The following ADAMTSL2 variants were observed in gnomAD, a reference collection of about 807,000 sequenced individuals.
ADAMTSL2 encodes the protein ADAMTS-like protein 2.
Under a neutral mutation model 117.0 loss-of-function variants are expected in ADAMTSL2, and 55 were observed. The ratio of observed to expected loss-of-function variants is 0.47; its 90% CI spans 0.38 to 0.59. ADAMTSL2 has a LOEUF of 0.59. Ranked by LOEUF, ADAMTSL2 falls within the 20% of genes least tolerant of loss-of-function variation. The pLI is 0.00. For missense variants in ADAMTSL2, 1,182 were observed against 1,354.5 expected (o/e 0.87, Z 2.00); for synonymous variants, 572 against 566.4 (o/e 1.01, Z -0.14).
Position 133,536,770 on chromosome 9 carries a change from G to A in ADAMTSL2, c.58G>A (p.Val20Ile), listed in dbSNP as rs145897018. The A allele has an allele frequency of 1.3e-3, 2,152 of 1,614,220 alleles. 4 individuals are homozygous for A. Among genetic ancestry groups the A allele is most frequent in the Middle Eastern group, 2.8e-3 (17 of 6,060 alleles). ...CTGGTTCCTGCTGGTTCTGGCAGTT[G>A]TAGCTGGGGACACAGTGTCAACCGG... ...WAWFLLVLAV[V>I]AGDTVSTGST... The change falls in exon 2 of 19, where the codon GTA (valine) becomes ATA (isoleucine). Residue 20 changes from valine to isoleucine, a missense_variant. Val to Ile is a conservative substitution (Grantham distance 29, BLOSUM62 3). This residue lies in a region of ADAMTSL2 where 372 missense variants were observed against 463.4 expected (regional missense o/e 0.80). Coordinates refer to ENST00000651351, the MANE Select transcript of ADAMTSL2 (RefSeq NM_014694.4).
chr9:133,533,773 G>A (rs1829987605), upstream of ADAMTSL2, among the ~76,000 whole-genome samples: 1 of 152,210 alleles, frequency 6.6e-6, no homozygotes, highest in Non-Finnish European at 1.5e-5. Flanking sequence ...GCTGCATGGA[G>A]GCAGGGGCAT....
At chr9:133,536,522 C>T in intron 1 of ADAMTSL2, 41 bp from the exon 2 acceptor site, 1 of 1,511,288 alleles carries the variant, frequency 6.6e-7, no homozygotes, top group Non-Finnish European at 8.9e-7. Context: ...CTCCTTCTTG[C>T]TAAGCCTAGA....
Position 133,569,499 on chromosome 9 carries a change from T to C in ADAMTSL2, c.2336T>C (p.Met779Thr). 6.2e-7 allele frequency: 1 copy of C among 1,612,490 alleles called. No homozygotes were observed. The highest frequency in any genetic ancestry group is 1.1e-5 in the South Asian group (1 of 90,654). The change falls in exon 16 of 19, where the codon ATG becomes ACG. Residue 779 changes from methionine (M) to threonine (T), a missense_variant. By Grantham distance (81) the Met-to-Thr change is moderately conservative. Coordinates refer to ENST00000651351, the MANE Select transcript of ADAMTSL2 (RefSeq NM_014694.4). ...GRVVPESQCQ[M>T]ETKPLAIHPC... Reference sequence around the variant, plus strand: ...GTAGTACCTGAGTCCCAGTGCCAGATGGAGACCAAGCCTCTGGCCATCCAC... The same window carrying C: ...GTAGTACCTGAGTCCCAGTGCCAGACGGAGACCAAGCCTCTGGCCATCCAC...
intron 1 of ADAMTSL2, among the ~76,000 whole-genome samples, chr9:133,535,838 GTC>G (rs1830037727): frequency 6.6e-6 from 1 of 152,178 alleles, no homozygotes; most frequent in Non-Finnish European, 1.5e-5. Flanking sequence ...ACAGGGCAGG[GTC>G]GACGCTGAGG....
At position 133,554,753 on chromosome 9, in the gene ADAMTSL2, C is replaced by A; in HGVS notation, c.1276+60C>A. 7.2e-7 allele frequency: 1 copy of A among 1,388,634 alleles called. No individual in the cohort carries two copies. The highest frequency in any genetic ancestry group is 9.6e-7 in the Non-Finnish European group (1 of 1,046,550). 86.0% of individuals were successfully genotyped at this position (1,388,634 alleles called of 1,614,324 possible). A position where few individuals can be genotyped will look rare whatever the true frequency, so the allele number is the denominator to read the frequency against. Reference sequence around the variant, plus strand: ...CGGGAGGCAGCCCAGGGAAGGGGGCCTTGGGGAAGGGGTCTCAGACCCTTT... The same window carrying A: ...CGGGAGGCAGCCCAGGGAAGGGGGCATTGGGGAAGGGGTCTCAGACCCTTT... On this transcript the variant is annotated intron_variant, in intron 10 of 18. Transcript: ENST00000651351. The surrounding 1 kb of genome is among the most constrained non-coding windows in gnomAD (Gnocchi z 5.2).
chr9:133,569,668 G>C, intron 16 of ADAMTSL2, 90 bp downstream of exon 16: 1 of 1,319,276 alleles, frequency 7.6e-7, no homozygotes, highest in Non-Finnish European at 1.1e-6. Context: ...ACCACAGATG[G>C]GTGAAAAAGA....
chr9:133,559,805 C>T (rs1830686818), intron 11 of ADAMTSL2, among the ~76,000 whole-genome samples: 1 of 152,166 alleles, frequency 6.6e-6, no homozygotes, highest in African/African-American at 2.4e-5. Context: ...CAGCCCCCAG[C>T]CCGCAGCCCT....
chr9:133,543,256 C>T (rs968488255), intron 7 of ADAMTSL2, among the ~76,000 whole-genome samples: 8 of 152,296 alleles, frequency 5.3e-5, no homozygotes, highest in Middle Eastern at 3.4e-3. Context: ...ACACCATATA[C>T]GGGTGTGCTG....
chr9:133,538,683 C>T (rs150038594), intron 4 of ADAMTSL2, among the ~76,000 whole-genome samples: 53 of 152,262 alleles, frequency 3.5e-4, no homozygotes, highest in Middle Eastern at 6.8e-3. Flanking sequence ...GCTCCTGGAA[C>T]TTCAAGTGCA....
At chr9:133,561,104 A>G in intron 11 of ADAMTSL2, 94 bp from the exon 12 acceptor site, 1 of 1,052,082 alleles carries the variant, frequency 9.5e-7, no homozygotes, top group Non-Finnish European at 1.4e-6. Flanking sequence ...AGGCGAACAT[A>G]CCCTCCGAAG....
intron 9 of ADAMTSL2, among the ~76,000 whole-genome samples, chr9:133,551,303 C>CT (rs1830476884): frequency 1.3e-5 from 2 of 149,680 alleles, no homozygotes; most frequent in Non-Finnish European, 3.0e-5. Flanking sequence ...AGGGCCCCCC[C>CT]ACACACAGCC....
chr9:133,553,438 G>A (rs1408066151), intron 9 of ADAMTSL2, among the ~76,000 whole-genome samples: 5 of 152,210 alleles, frequency 3.3e-5, no homozygotes, highest in East Asian at 3.9e-4. Flanking sequence ...CCATCCTTCC[G>A]TTCTTGGGGT....
At chr9:133,556,395 C>G (rs1830606061) in intron 11 of ADAMTSL2, among the ~76,000 whole-genome samples, 2 of 152,188 alleles carry the variant, frequency 1.3e-5, no homozygotes, top group African/African-American at 4.8e-5. Context: ...ACCTGGGACC[C>G]CTTAGTTTTA....
chr9:133,546,369 CA>C (rs1208352359), intron 8 of ADAMTSL2, among the ~76,000 whole-genome samples: 5 of 150,790 alleles, frequency 3.3e-5, no homozygotes, highest in Non-Finnish European at 7.4e-5. Context: ...TGCACCAGGC[CA>C]CCCTGGCCTG....
chr9:133,563,614 A>C (rs1830800630), intron 12 of ADAMTSL2, among the ~76,000 whole-genome samples: 2 of 152,064 alleles, frequency 1.3e-5, no homozygotes, highest in South Asian at 4.1e-4. Flanking sequence ...AGGACACAGC[A>C]CTGTCTCCCA....
intron 5 of ADAMTSL2, among the ~76,000 whole-genome samples, chr9:133,540,355 A>G (rs1030129674): frequency 3.3e-5 from 5 of 152,194 alleles, no homozygotes; most frequent in Non-Finnish European, 5.9e-5. Context: ...GAACCCCAGT[A>G]TGGGTCTCAG....
Position 133,534,854 on chromosome 9 carries a change from GCCGTCTGCCC to G in ADAMTSL2, c.-213_-204del. ...CCCCCGCACGCACAGCGCACCTGGC[GCCGTCTGCCC>G]TCCGCAGCGCTCGCCCCTTTCTCTG... On this transcript the variant is annotated 5_prime_UTR_variant, in exon 1 of 19. The change creates a premature stop within an existing upstream ORF in the 5' untranslated region. Coordinates refer to ENST00000651351, the MANE Select transcript of ADAMTSL2 (RefSeq NM_014694.4). 6.7e-7 allele frequency: 1 copy of G among 1,495,150 alleles called. No individual in the cohort carries two copies. The highest frequency in any genetic ancestry group is 2.8e-5 in the East Asian group (1 of 35,606). 92.6% of individuals were successfully genotyped at this position (1,495,150 alleles called of 1,614,324 possible). A position where few individuals can be genotyped will look rare whatever the true frequency, so the allele number is the denominator to read the frequency against.
chr9:133,538,636 A>G (rs1008473486), intron 4 of ADAMTSL2, among the ~76,000 whole-genome samples: 1 of 151,912 alleles, frequency 6.6e-6, no homozygotes, highest in Non-Finnish European at 1.5e-5. Context: ...CTGTGCTCAC[A>G]TGTGCTCAGC....
chr9:133,552,186 A>G (rs1830502985), intron 9 of ADAMTSL2, among the ~76,000 whole-genome samples: 1 of 152,204 alleles, frequency 6.6e-6, no homozygotes, highest in East Asian at 1.9e-4. Context: ...TGGATGTGGA[A>G]TATGCTGGCT....
Sources: gnomAD v4.1 joint callset for allele counts (sites outside exome capture counted in the v4.1 genomes callset) on GRCh38, gnomAD v4.1.1 for gene constraint, gnomAD v4.1.1 regional missense constraint, Gnocchi (gnomAD v3.1) non-coding constraint, MANE v1.5 for transcripts, NCBI Gene and HGNC (gene_info 2026-07-23, HGNC 2026-07-21) for gene names.